Variants in METTL13 observed in about 807,000 individuals in gnomAD.
METTL13 encodes the protein methyltransferase 13, eEF1A N-terminus and K55.
In METTL13, 52 loss-of-function variants were observed where a neutral mutation model predicts 67.4. The ratio of observed to expected loss-of-function variants is 0.77; its 90% CI spans 0.62 to 0.97. The LOEUF (loss-of-function observed/expected upper bound fraction) is 0.97. Among genes scored for constraint, METTL13 ranks in the 50% least tolerant of loss-of-function variants. METTL13 has a pLI of 0.00. For missense variants in METTL13, 825 were observed against 889.6 expected (o/e 0.93, Z 0.92); for synonymous variants, 354 against 353.6 (o/e 1.00, Z -0.01).
Position 171,792,067 on chromosome 1 carries a change from C to T in METTL13, c.1525C>T (p.Leu509Phe), listed in dbSNP as rs752310306. ...AGGCCTGGGCGGGGGCAGCCTCCCC[C>T]TCTTTGTCCACGATCATTTTCCAAA... Reference protein sequence around the residue: ...VVGLGGGSLPLFVHDHFPKSC... With the variant: ...VVGLGGGSLPFFVHDHFPKSC... The change falls in exon 6 of 8, where the codon CTC (leucine) becomes TTC (phenylalanine). Residue 509 changes from leucine to phenylalanine, a missense_variant. Physicochemically the swap from Leu to Phe is conservative, Grantham distance 22. Coordinates refer to ENST00000361735, the MANE Select transcript of METTL13 (RefSeq NM_015935.5). 11 of 1,613,390 alleles carry T rather than the reference C, an allele frequency of 6.8e-6. No homozygotes were observed. The highest frequency in any genetic ancestry group is 2.2e-5 in the East Asian group (1 of 44,890).
chr1:171,782,152 G>A (rs1405194663), intron 1 of METTL13, 32 bp downstream of exon 1: 1 of 1,591,700 alleles, frequency 6.3e-7, no homozygotes. Context: ...CCCTTCGTAC[G>A]TGCTCCGGAA....
rs780564088 is a variant in METTL13, at chr1:171,787,948, C to T, written c.1309+18C>T. 132 of 1,611,258 alleles carry T rather than the reference C, an allele frequency of 8.2e-5. No individual in the cohort carries two copies. Among genetic ancestry groups the T allele is most frequent in the Non-Finnish European group, 3.1e-5 (37 of 1,178,982 alleles). On this transcript the variant is annotated intron_variant, in intron 4 of 7. Transcript: ENST00000361735. Reference sequence around the variant, plus strand: ...TCACAAAGGTGAGGTGTCATAGGCACAGTGGTGGGACCCAAGTGGCCGTGG... The same window carrying T: ...TCACAAAGGTGAGGTGTCATAGGCATAGTGGTGGGACCCAAGTGGCCGTGG...
chr1:171,793,346 A>G lies in METTL13; in HGVS notation c.1694-1050A>G, dbSNP rs80065772. On this transcript the variant is annotated intron_variant, in intron 6 of 7. Coordinates refer to ENST00000361735, the MANE Select transcript of METTL13 (RefSeq NM_015935.5). ...AAGTATTTACAACAGTGCCATGCACATGGTAAGTACTTAATCCATGATGTT... is the reference window on the plus strand; with the variant it reads ...AAGTATTTACAACAGTGCCATGCACGTGGTAAGTACTTAATCCATGATGTT... Among the ~76,000 whole-genome samples, 453 of 152,362 alleles carry G rather than the reference A, an allele frequency of 3.0e-3. 2 individuals carry two copies. Among genetic ancestry groups the G allele is most frequent in the African/African-American group, 0.01 (423 of 41,586 alleles).
chr1:171,782,342 G>T (rs1265654608), intron 1 of METTL13, among the ~76,000 whole-genome samples: 1 of 152,108 alleles, frequency 6.6e-6, no homozygotes, highest in Non-Finnish European at 1.5e-5. Flanking sequence ...AGACCGAGGT[G>T]GGAGGATCGC....
At chr1:171,795,164 A>G (rs1657326499) in intron 7 of METTL13, among the ~76,000 whole-genome samples, 1 of 152,070 alleles carries the variant, frequency 6.6e-6, no homozygotes, top group African/African-American at 2.4e-5. Context: ...TTCACTCAAC[A>G]TGATGTTTGT....
At position 171,781,776 on chromosome 1, in the gene METTL13, T is replaced by C; in HGVS notation, c.-192T>C. 1 of 1,405,582 alleles carries C rather than the reference T, an allele frequency of 7.1e-7. No homozygotes were observed. The highest frequency in any genetic ancestry group is 9.3e-7 in the Non-Finnish European group (1 of 1,079,384). The allele number at this position is 1,405,582 out of a possible 1,614,324, so 87.1% of individuals were successfully genotyped here. A position where few individuals can be genotyped will look rare whatever the true frequency, so the allele number is the denominator to read the frequency against. Reference sequence around the variant, plus strand: ...GGCAAGCGTGTGTGAGATTCAGTGGTCCATGCGTGCGTTTGTCGTGTAAGG... The same window carrying C: ...GGCAAGCGTGTGTGAGATTCAGTGGCCCATGCGTGCGTTTGTCGTGTAAGG... On this transcript the variant is annotated 5_prime_UTR_variant, in exon 1 of 8. Coordinates refer to ENST00000361735, the MANE Select transcript of METTL13 (RefSeq NM_015935.5).
chr1:171,788,618 C>T (rs948477002), intron 4 of METTL13, among the ~76,000 whole-genome samples: 14 of 152,246 alleles, frequency 9.2e-5, no homozygotes, highest in East Asian at 7.7e-4. Context: ...GAAACTCCCC[C>T]GATGGGGAAT....
intron 7 of METTL13, among the ~76,000 whole-genome samples, chr1:171,796,057 G>A (rs189199874): frequency 2.0e-5 from 3 of 152,032 alleles, no homozygotes; most frequent in East Asian, 1.9e-4. Flanking sequence ...AGTAGAGCCG[G>A]GGTTTCACCA....
In METTL13 at chr1:171,781,948, G is replaced by T; in HGVS notation, c.-20G>T. ...CAGGGAATAGGGGAGTCTTGAAAACGCAGCTTCGGCAGTAGGAACATGAAC... is the reference window on the plus strand; with the variant it reads ...CAGGGAATAGGGGAGTCTTGAAAACTCAGCTTCGGCAGTAGGAACATGAAC... On this transcript the variant is annotated 5_prime_UTR_variant, in exon 1 of 8. Coordinates refer to ENST00000361735, the MANE Select transcript of METTL13 (RefSeq NM_015935.5). 2 of 1,613,620 alleles carry T rather than the reference G, an allele frequency of 1.2e-6. No homozygotes were observed. Among genetic ancestry groups the T allele is most frequent in the Non-Finnish European group, 1.7e-6 (2 of 1,179,720 alleles).
chr1:171,789,234 C>T (rs1376008326), intron 4 of METTL13, among the ~76,000 whole-genome samples: 1 of 152,122 alleles, frequency 6.6e-6, no homozygotes, highest in African/African-American at 2.4e-5. Context: ...TTTAATATAT[C>T]TGAAAAGCAC....
Position 171,782,034 on chromosome 1 carries a change from C to T in METTL13, c.67C>T (p.Gln23Ter). Residue 23 changes from glutamine (Q) to a stop codon, truncating the protein, a stop_gained, in exon 1 of 8, where the codon CAG (glutamine) becomes TAG (stop). Transcript: ENST00000361735. LOFTEE classifies it high-confidence loss of function. ...SVDYWEKFFQQRGKKAFEWYG... is the reference protein window; with the variant it reads ...SVDYWEKFFQ ...TGACTATTGGGAGAAGTTCTTCCAG[C>T]AGCGAGGAAAGAAAGCTTTCGAGTG... 1.2e-6 allele frequency: 2 copies of T among 1,614,088 alleles called. No individual in the cohort carries two copies. Among genetic ancestry groups the T allele is most frequent in the South Asian group, 2.2e-5 (2 of 91,084 alleles).
In METTL13 at chr1:171,781,837, A is replaced by G. The variant is rs767696110; in HGVS notation, c.-131A>G. On this transcript the variant is annotated 5_prime_UTR_variant, in exon 1 of 8. The change abolishes an upstream ATG in the 5' untranslated region. Coordinates refer to ENST00000361735, the MANE Select transcript of METTL13 (RefSeq NM_015935.5). The stretch of plus-strand genomic sequence containing the variant: ...GGGTTTGGAGTGGGGGAACAAATCA[A>G]TGTGGCTGTTTTTCCGTGGAAAGAA... 4.0e-6 allele frequency: 6 copies of G among 1,505,640 alleles called. No individual in the cohort carries two copies. The highest frequency in any genetic ancestry group is 2.8e-5 in the African/African-American group (2 of 71,426). 93.3% of individuals were successfully genotyped at this position (1,505,640 alleles called of 1,614,324 possible). A position where few individuals can be genotyped will look rare whatever the true frequency, so the allele number is the denominator to read the frequency against.
chr1:171,793,016 T>C (rs1185079409), intron 6 of METTL13, among the ~76,000 whole-genome samples: 1 of 152,236 alleles, frequency 6.6e-6, no homozygotes, highest in South Asian at 2.1e-4. Flanking sequence ...TCTGCTATTA[T>C]ACAGATAGGC....
chr1:171,790,832 C>A, intron 5 of METTL13: 2 of 427,812 alleles, frequency 4.7e-6, no homozygotes, highest in Non-Finnish European at 7.9e-6. Flanking sequence ...ATGTTAGAGT[C>A]TAAGTGGTAT....
At position 171,792,075 on chromosome 1, in the gene METTL13, C is replaced by T. The variant is rs201299640; in HGVS notation, c.1533C>T (p.Val511=). ...GCGGGGGCAGCCTCCCCCTCTTTGT[C>T]CACGATCATTTTCCAAAGTCCTGCA... ...GLGGGSLPLF[V]HDHFPKSCID... is the part of the protein sequence containing the mutation. Residue 511 remains valine, a synonymous_variant, in exon 6 of 8, where the codon GTC becomes GTT. Coordinates refer to ENST00000361735, the MANE Select transcript of METTL13 (RefSeq NM_015935.5). 10 of 1,613,570 alleles carry T rather than the reference C, an allele frequency of 6.2e-6. No individual in the cohort carries two copies. The highest frequency in any genetic ancestry group is 1.8e-4 in the Middle Eastern group (1 of 5,538).
At chr1:171,783,579 G>C (rs868303949) in intron 1 of METTL13, among the ~76,000 whole-genome samples, 161 bp from the exon 2 acceptor site, 1 of 151,992 alleles carries the variant, frequency 6.6e-6, no homozygotes, top group African/African-American at 2.4e-5. Flanking sequence ...TTTCAAGATA[G>C]AGTCTAGCAT....
intron 5 of METTL13, 69 bp from the exon 6 acceptor site, chr1:171,791,948 T>C (rs747102995): frequency 6.5e-7 from 1 of 1,547,904 alleles, no homozygotes; most frequent in Non-Finnish European, 8.9e-7. Context: ...CCCTTTTGCC[T>C]TCCCTGAGGC....
At chr1:171,787,645 G>GAT in intron 3 of METTL13, 90 bp from the exon 4 acceptor site, 3 of 1,194,828 alleles carry the variant, frequency 2.5e-6, no homozygotes, top group South Asian at 2.9e-5. Flanking sequence ...GTGGTATGGG[G>GAT]ATATATACAC....
chr1:171,785,375 T>C (rs1656975440), intron 2 of METTL13, among the ~76,000 whole-genome samples: 1 of 152,204 alleles, frequency 6.6e-6, no homozygotes, highest in Non-Finnish European at 1.5e-5. Context: ...AAATAAATAG[T>C]GCAGTGAATA....
Sources: gnomAD v4.1 joint callset for allele counts (sites outside exome capture counted in the v4.1 genomes callset) on GRCh38, gnomAD v4.1.1 for gene constraint, MANE v1.5 for transcripts, NCBI Gene and HGNC (gene_info 2026-07-23, HGNC 2026-07-21) for gene names.